ZNF775: variants seen among roughly 807,000 people sequenced by gnomAD.
ZNF775 encodes zinc finger protein 775.
ZNF775 carries 1 observed loss-of-function variant against 2.4 expected under a neutral mutation model. The ratio of observed to expected loss-of-function variants is 0.41; its 90% CI spans 0.15 to 1.94. The LOEUF (loss-of-function observed/expected upper bound fraction) is 1.94. Ranked by LOEUF, ZNF775 falls within the 30% of genes most tolerant of loss-of-function variation. The pLI, the probability that ZNF775 is intolerant of heterozygous loss-of-function variation, is 0.30. For synonymous variants in ZNF775, 381 were observed against 373.3 expected (o/e 1.02, Z -0.24); for missense variants, 823 against 826.6 (o/e 1.00, Z 0.05).
Position 150,384,411 on chromosome 7 carries a change from G to A in ZNF775, c.-49-4011G>A, listed in dbSNP as rs1200778229. On this transcript the variant is annotated intron_variant, in intron 1 of 2. Transcript: ENST00000329630. This position sits in a 1 kb window ranked among gnomAD's most constrained non-coding sequence, Gnocchi z 4.1. ...CTCCAGGTGGCTGAGGACATGTCAG[G>A]ATGGTAGGTTAGGAGGGGCCCGCCA... 6.6e-6 allele frequency among the ~76,000 whole-genome samples: 1 copy of A among 152,224 alleles called. No homozygotes were observed. The highest frequency in any genetic ancestry group is 1.5e-5 in the Non-Finnish European group (1 of 68,044).
chr7:150,387,034 C>T lies in ZNF775; in HGVS notation c.-49-1388C>T, dbSNP rs549898340. ...CGCCAGGGGCCAGCACGGTGGCTCA[C>T]GCCTGTAATCCCAGCACTTTGGGAG... On this transcript the variant is annotated intron_variant, in intron 1 of 2. Transcript: ENST00000329630. Among the ~76,000 whole-genome samples the T allele has an allele frequency of 5.9e-3, 900 of 152,238 alleles. 4 individuals are homozygous for T. Among genetic ancestry groups the T allele is most frequent in the Non-Finnish European group, 9.4e-3 (639 of 68,020 alleles).
chr7:150,395,960 G>A (rs1267438336), intron 2 of ZNF775, among the ~76,000 whole-genome samples: 1 of 152,198 alleles, frequency 6.6e-6, no homozygotes, highest in African/African-American at 2.4e-5. Flanking sequence ...CAGGAGCCCC[G>A]ACAGTATAGA....
chr7:150,397,042 G>T lies in ZNF775; in HGVS notation c.561G>T (p.Arg187=). 1 of 1,595,752 alleles carries T rather than the reference G, an allele frequency of 6.3e-7. No homozygotes were observed. Among genetic ancestry groups the T allele is most frequent in the Non-Finnish European group, 8.5e-7 (1 of 1,177,684 alleles). ...TCAAGCACCAGAAGACCCACTCCCG[G>T]CCCGCCACCCACTCGTGCCCCGAGT... ...HLLKHQKTHS[R]PATHSCPECE... The change falls in exon 3 of 3, where the codon CGG becomes CGT. Residue 187 remains arginine (R), a synonymous_variant. Coordinates refer to ENST00000329630, the MANE Select transcript of ZNF775 (RefSeq NM_173680.4).
chr7:150,392,273 A>G (rs1223157327), intron 2 of ZNF775, among the ~76,000 whole-genome samples: 1 of 152,218 alleles, frequency 6.6e-6, no homozygotes, highest in Non-Finnish European at 1.5e-5. Flanking sequence ...GTTGGTTCTA[A>G]GTCGATGAAT....
chr7:150,380,528 G>T (rs2190994), intron 1 of ZNF775, among the ~76,000 whole-genome samples: 45,077 of 152,042 alleles, frequency 0.3, 6,898 homozygotes, highest in East Asian at 0.43. Flanking sequence ...CCTAATCTGG[G>T]CTGGGAAGGG....
intron 2 of ZNF775, among the ~76,000 whole-genome samples, chr7:150,389,379 G>A (rs1345827823): frequency 6.6e-6 from 1 of 152,250 alleles, no homozygotes. Flanking sequence ...AAATCAGGCA[G>A]CGGGGTAAAA....
chr7:150,381,600 C>T (rs1006870842), intron 1 of ZNF775, among the ~76,000 whole-genome samples: 2 of 147,242 alleles, frequency 1.4e-5, no homozygotes, highest in Non-Finnish European at 3.0e-5. Context: ...TTCTGTACCA[C>T]GAGCAAGCGT....
intron 2 of ZNF775, among the ~76,000 whole-genome samples, chr7:150,389,732 G>C (rs1800522620): frequency 6.6e-6 from 1 of 152,172 alleles, no homozygotes; most frequent in East Asian, 1.9e-4. Context: ...CACTAGCCTA[G>C]ACTCCTGGAG....
At position 150,397,592 on chromosome 7, in the gene ZNF775, T is replaced by G. The variant is rs745691525; in HGVS notation, c.1111T>G (p.Cys371Gly). ...CGCCCAGGCTGCGCCCTGCCCCAGCTGCGGTAAGAGCTGCCGCAGCCGCGC... is the reference window on the plus strand; with the variant it reads ...CGCCCAGGCTGCGCCCTGCCCCAGCGGCGGTAAGAGCTGCCGCAGCCGCGC... ...PGAQAAPCPS[C>G]GKSCRSRAAL... The change falls in exon 3 of 3, where the codon TGC (cysteine) becomes GGC (glycine). Residue 371 changes from cysteine (C) to glycine (G), a missense_variant. Transcript: ENST00000329630. The G allele has an allele frequency of 1.4e-6, 2 of 1,469,676 alleles. No individual in the cohort carries two copies. Among genetic ancestry groups the G allele is most frequent in the South Asian group, 2.5e-5 (2 of 78,672 alleles). The allele number at this position is 1,469,676 out of a possible 1,614,324, so 91.0% of individuals were successfully genotyped here.
intron 2 of ZNF775, among the ~76,000 whole-genome samples, chr7:150,390,657 T>G (rs58128793): frequency 0.018 from 2,730 of 152,386 alleles, 81 homozygotes; most frequent in African/African-American, 0.063. Context: ...TTTTACTTGA[T>G]GCATAGTATT....
At chr7:150,390,059 A>G (rs1412749660) in intron 2 of ZNF775, among the ~76,000 whole-genome samples, 1 of 152,182 alleles carries the variant, frequency 6.6e-6, no homozygotes, top group Non-Finnish European at 1.5e-5. Context: ...AACTGTACTC[A>G]TGGAGCAATA....
At chr7:150,388,362 C>A (rs1800491501) in intron 1 of ZNF775, 60 bp from the exon 2 acceptor site, 1 of 1,367,920 alleles carries the variant, frequency 7.3e-7, no homozygotes, top group East Asian at 2.5e-5. Flanking sequence ...GGCTGGGGAC[C>A]CTGAGTTTTG....
In ZNF775 at chr7:150,397,239, T is replaced by C; in HGVS notation, c.758T>C (p.Leu253Pro). ...CGGGGGCGCCCCGAGTGGGCCTGGCTGGGGCTCTGCCAGGGCTGGTGGGGC... is the reference window on the plus strand; with the variant it reads ...CGGGGGCGCCCCGAGTGGGCCTGGCCGGGGCTCTGCCAGGGCTGGTGGGGC... ...PPRGRPEWAW[L>P]GLCQGWWGQP... is the part of the protein sequence containing the mutation. Residue 253 changes from leucine (L) to proline (P), a missense_variant, in exon 3 of 3, where the codon CTG (leucine) becomes CCG (proline). Coordinates refer to ENST00000329630, the MANE Select transcript of ZNF775 (RefSeq NM_173680.4). 2 of 1,254,456 alleles carry C rather than the reference T, an allele frequency of 1.6e-6. No homozygotes were observed. Among genetic ancestry groups the C allele is most frequent in the East Asian group, 3.9e-5 (1 of 25,464 alleles). The allele number at this position is 1,254,456 out of a possible 1,614,324, so 77.7% of individuals were successfully genotyped here.
At chr7:150,386,552 G>A (rs1800457832) in intron 1 of ZNF775, among the ~76,000 whole-genome samples, 1 of 152,102 alleles carries the variant, frequency 6.6e-6, no homozygotes, top group South Asian at 2.1e-4. Context: ...TCTCTGCGAG[G>A]CTCTCGGGCC....
At chr7:150,395,777 C>T (rs1449270862) in intron 2 of ZNF775, among the ~76,000 whole-genome samples, 1 of 152,206 alleles carries the variant, frequency 6.6e-6, no homozygotes, top group Non-Finnish European at 1.5e-5. Context: ...TGTGGGACCC[C>T]CATGAGTAAA....
At chr7:150,383,525 G>T (rs536049993) in intron 1 of ZNF775, among the ~76,000 whole-genome samples, 2 of 152,168 alleles carry the variant, frequency 1.3e-5, no homozygotes, top group Non-Finnish European at 2.9e-5. Context: ...CTGGGGACCC[G>T]GTGGAGTTGA....
chr7:150,383,015 G>T (rs1185642909), intron 1 of ZNF775, among the ~76,000 whole-genome samples: 1 of 152,190 alleles, frequency 6.6e-6, no homozygotes, highest in Non-Finnish European at 1.5e-5. Flanking sequence ...GGATCTGTAG[G>T]TGTGTCTGTG....
intron 1 of ZNF775, among the ~76,000 whole-genome samples, chr7:150,385,022 C>A (rs1184719357): frequency 3.3e-5 from 5 of 152,198 alleles, no homozygotes; most frequent in Admixed American, 2.0e-4. Flanking sequence ...TCCACTAGCC[C>A]CTCTGCGCCT....
At position 150,384,627 on chromosome 7, in the gene ZNF775, C is replaced by G. The variant is rs1308847455; in HGVS notation, c.-49-3795C>G. On this transcript the variant is annotated intron_variant, in intron 1 of 2. Transcript: ENST00000329630. This position sits in a 1 kb window ranked among gnomAD's most constrained non-coding sequence, Gnocchi z 4.1. The stretch of plus-strand genomic sequence containing the variant: ...GCGGGTCCCCAAAGACTTGGCCTCC[C>G]CTCATTCCTGTCCTCTGTGTTTCCC... Among the ~76,000 whole-genome samples, 4 of 152,198 alleles carry G rather than the reference C, an allele frequency of 2.6e-5. No homozygotes were observed. Among genetic ancestry groups the G allele is most frequent in the African/African-American group, 4.8e-5 (2 of 41,444 alleles).
Sources: allele counts gnomAD v4.1 joint callset (sites outside exome capture counted in the v4.1 genomes callset), GRCh38; gene constraint gnomAD v4.1.1; non-coding constraint Gnocchi (gnomAD v3.1); transcripts MANE v1.5; gene names NCBI Gene and HGNC (gene_info 2026-07-23, HGNC 2026-07-21).